CCL17: variants seen among roughly 807,000 people sequenced by gnomAD.
The protein encoded by CCL17 is C-C motif chemokine ligand 17.
A neutral mutation model predicts 7.4 loss-of-function variants in CCL17; 8 were observed. The observed-to-expected ratio is 1.09, with a 90% CI of 0.64 to 1.96. The LOEUF (loss-of-function observed/expected upper bound fraction) is 1.96. CCL17 is among the 30% of genes most tolerant of loss of function. The pLI is 0.00. For missense variants in CCL17, 102 were observed against 113.0 expected (o/e 0.90, Z 0.44); for synonymous variants, 40 against 46.1 (o/e 0.87, Z 0.54).
chr16:57,415,011 C>G lies in CCL17; in HGVS notation c.71-70C>G, dbSNP rs557195478. 3.6e-4 allele frequency: 348 copies of G among 976,404 alleles called. 1 individual carries two copies. Among genetic ancestry groups the G allele is most frequent in the Non-Finnish European group, 5.2e-4 (316 of 602,122 alleles). The allele number at this position is 976,404 out of a possible 1,614,324, so 60.5% of individuals were successfully genotyped here. A position where few individuals can be genotyped will look rare whatever the true frequency, so the allele number is the denominator to read the frequency against. On this transcript the variant is annotated intron_variant, in intron 2 of 3. Transcript: ENST00000219244. The surrounding 1 kb of genome is among the most constrained non-coding windows in gnomAD (Gnocchi z 4.5). The stretch of plus-strand genomic sequence containing the variant: ...CGCACATGCAGATCTTCCACGAACA[C>G]CCCCCAGAGGTCCCCGCAACACACA...
At chr16:57,410,844 G>C (rs1902772252) in intron 1 of CCL17, among the ~76,000 whole-genome samples, 1 of 152,182 alleles carries the variant, frequency 6.6e-6, no homozygotes, top group Non-Finnish European at 1.5e-5. Context: ...TGTTTACTCG[G>C]TCAGGTGACA....
intron 2 of CCL17, among the ~76,000 whole-genome samples, chr16:57,414,716 A>G (rs970179877): frequency 5.3e-5 from 8 of 152,090 alleles, no homozygotes; most frequent in African/African-American, 1.4e-4. Context: ...AGATTCTTAT[A>G]TTAGGTTGGG....
Position 57,413,977 on chromosome 16 carries a change from G to A in CCL17, c.45G>A (p.Gly15=), listed in dbSNP as rs759081657. 2.5e-6 allele frequency: 4 copies of A among 1,611,710 alleles called. No individual in the cohort carries two copies. The highest frequency in any genetic ancestry group is 3.4e-6 in the Non-Finnish European group (4 of 1,179,130). ...KMLALVTLLL[G]ASLQHIHAAR... ...TGGCCCTGGTCACCCTCCTCCTGGG[G>A]GCTTCTCTGCAGCACATCCACGCAG... Residue 15 remains glycine, a synonymous_variant, in exon 2 of 4, where the codon GGG becomes GGA. Transcript: ENST00000219244.
At chr16:57,401,888 C>T (rs1370568374), upstream of CCL17, among the ~76,000 whole-genome samples, 4 of 152,214 alleles carry the variant, frequency 2.6e-5, no homozygotes, top group Non-Finnish European at 5.9e-5. Context: ...TGGGTTTCCA[C>T]TCCTTCTCTG....
upstream of CCL17, among the ~76,000 whole-genome samples, chr16:57,400,325 C>T (rs1221502985): frequency 6.6e-6 from 1 of 151,964 alleles, no homozygotes; most frequent in Non-Finnish European, 1.5e-5. Flanking sequence ...CGCCACTGCA[C>T]TCCAGCCTGG....
In CCL17 at chr16:57,413,758, A is replaced by G; in HGVS notation, c.-59-116A>G. 9.6e-6 allele frequency: 5 copies of G among 518,754 alleles called. No individual in the cohort carries two copies. In the South Asian group the frequency reaches 1.6e-4, roughly 16 times the overall value. The allele number at this position is 518,754 out of a possible 1,614,324, so 32.1% of individuals were successfully genotyped here. A position where few individuals can be genotyped will look rare whatever the true frequency, so the allele number is the denominator to read the frequency against. On this transcript the variant is annotated intron_variant, in intron 1 of 3. Transcript: ENST00000219244. ...CCAAGAGCTAGACTTCTCCTGAATC[A>G]TCTCAAATTCTTCGAACTTCACTGG...
chr16:57,415,850 G>T lies in CCL17; in HGVS notation c.274G>T (p.Glu92Ter), dbSNP rs1414504106. The change falls in exon 4 of 4, where the codon GAG (glutamate) becomes TAG (stop). Residue 92 changes from glutamate (E) to a stop codon, truncating the protein, a stop_gained. Transcript: ENST00000219244. LOFTEE classifies it high-confidence loss of function. The surrounding 1 kb of genome is among the most constrained non-coding windows in gnomAD (Gnocchi z 4.5). ...TGCAGTTAAATACCTGCAAAGCCTT[G>T]AGAGGTCTTGAAGCCTCCTCACCCC... The part of the protein sequence containing the change: ...KNAVKYLQSL[E>*]RS The T allele has an allele frequency of 3.1e-6, 5 of 1,606,262 alleles. No individual in the cohort carries two copies. The East Asian group carries it at 1.1e-4, about 36-fold the overall frequency.
intron 1 of CCL17, among the ~76,000 whole-genome samples, chr16:57,409,281 C>T (rs578180356): frequency 6.6e-6 from 1 of 152,264 alleles, no homozygotes; most frequent in African/African-American, 2.4e-5. Context: ...AAGAATGTTC[C>T]AGACAGGAAG....
Position 57,415,368 on chromosome 16 carries a change from G to C in CCL17, c.188+170G>C, listed in dbSNP as rs1902853547. Among the ~76,000 whole-genome samples the C allele has an allele frequency of 6.6e-6, 1 of 152,262 alleles. No individual in the cohort carries two copies. The highest frequency in any genetic ancestry group is 2.1e-4 in the South Asian group (1 of 4,834). ...GACCCAAAAGGGCCGCAGGCCATGA[G>C]GTCCAACCTATTCCTTGATTTGTGG... On this transcript the variant is annotated intron_variant, in intron 3 of 3. Transcript: ENST00000219244. This position sits in a 1 kb window ranked among gnomAD's most constrained non-coding sequence, Gnocchi z 4.5.
intron 2 of CCL17, among the ~76,000 whole-genome samples, chr16:57,414,512 G>A (rs950350211): frequency 2.4e-5 from 3 of 125,696 alleles, no homozygotes; most frequent in South Asian, 2.8e-4. Context: ...TCTGCCTCCC[G>A]GATTCAAGCG....
At chr16:57,399,486 TGTCGCCCAGGCTGGAGTGCAAA>T in the CCL17 span, among the ~76,000 whole-genome samples, 608 of 152,350 alleles carry the variant, frequency 4.0e-3, 8 homozygotes, top group African/African-American at 0.014. Flanking sequence ...AATCTTGCTC[TGTCGCCCAGGCTGGAGTGCAAA>T]GGTGGGATCT....
chr16:57,409,965 T>C (rs748946781), intron 1 of CCL17, among the ~76,000 whole-genome samples: 1 of 152,194 alleles, frequency 6.6e-6, no homozygotes, highest in African/African-American at 2.4e-5. Flanking sequence ...CAATCCTTAC[T>C]GAGCTGCTCC....
At chr16:57,408,669 A>G (rs556464976) in intron 1 of CCL17, among the ~76,000 whole-genome samples, 1 of 151,980 alleles carries the variant, frequency 6.6e-6, no homozygotes, top group South Asian at 2.1e-4. Context: ...CCCGGGTTCA[A>G]GCGATTCTCC....
chr16:57,414,027 G>A (rs1426879833), intron 2 of CCL17, 25 bp downstream of exon 2: 1 of 1,601,374 alleles, frequency 6.2e-7, no homozygotes, highest in African/African-American at 1.3e-5. Context: ...CAGGTGGCCA[G>A]GGGCAGGCAC....
chr16:57,415,963 C>G lies in CCL17; in HGVS notation c.*102C>G, dbSNP rs1290675058. 2.7e-6 allele frequency: 2 copies of G among 728,712 alleles called. No homozygotes were observed. The highest frequency in any genetic ancestry group is 1.8e-5 in the African/African-American group (1 of 56,964). The allele number at this position is 728,712 out of a possible 1,614,324, so 45.1% of individuals were successfully genotyped here. On this transcript the variant is annotated 3_prime_UTR_variant, in exon 4 of 4. Coordinates refer to ENST00000219244, the MANE Select transcript of CCL17 (RefSeq NM_002987.3). This position sits in a 1 kb window ranked among gnomAD's most constrained non-coding sequence, Gnocchi z 4.5. Reference sequence around the variant, plus strand: ...CCTGAGCGCCTGGGTCCAGGGGAGGCCTTCCAGGGACGAAGAAGAGCCACA... The same window carrying G: ...CCTGAGCGCCTGGGTCCAGGGGAGGGCTTCCAGGGACGAAGAAGAGCCACA...
At chr16:57,397,814 G>T in the CCL17 span, among the ~76,000 whole-genome samples, 1 of 152,186 alleles carries the variant, frequency 6.6e-6, no homozygotes, top group African/African-American at 2.4e-5. Context: ...TGGTAACTGG[G>T]CGCTGGTCCC....
At chr16:57,399,968 T>C (rs1863273553), upstream of CCL17, among the ~76,000 whole-genome samples, 1 of 152,148 alleles carries the variant, frequency 6.6e-6, no homozygotes, top group Non-Finnish European at 1.5e-5. Flanking sequence ...AATCGAGTGC[T>C]GCAACCAAGC....
intron 1 of CCL17, among the ~76,000 whole-genome samples, chr16:57,406,227 C>G (rs1054439447): frequency 3.3e-5 from 5 of 152,122 alleles, no homozygotes; most frequent in Non-Finnish European, 7.3e-5. Context: ...GAATCTTGCT[C>G]TTTTGCCCAG....
Position 57,415,135 on chromosome 16 carries a change from T to C in CCL17, c.125T>C (p.Ile42Thr). Residue 42 changes from isoleucine to threonine, a missense_variant, in exon 3 of 4, where the codon ATT (isoleucine) becomes ACT (threonine). Physicochemically the swap from Ile to Thr is moderately conservative, Grantham distance 89 (BLOSUM62 -1). Transcript: ENST00000219244. The surrounding 1 kb of genome is among the most constrained non-coding windows in gnomAD (Gnocchi z 4.5). Reference sequence around the variant, plus strand: ...TGCCTGGAGTACTTCAAGGGAGCCATTCCCCTTAGAAAGCTGAAGACGTGG... The same window carrying C: ...TGCCTGGAGTACTTCAAGGGAGCCACTCCCCTTAGAAAGCTGAAGACGTGG... ...ECCLEYFKGA[I>T]PLRKLKTWYQ... 6.2e-7 allele frequency: 1 copy of C among 1,613,992 alleles called. No individual in the cohort carries two copies.
Sources: gnomAD v4.1 joint callset for allele counts (sites outside exome capture counted in the v4.1 genomes callset) on GRCh38, gnomAD v4.1.1 for gene constraint, Gnocchi (gnomAD v3.1) non-coding constraint, MANE v1.5 for transcripts, NCBI Gene and HGNC (gene_info 2026-07-23, HGNC 2026-07-21) for gene names.